Variants in RIPOR3 observed in about 807,000 individuals in gnomAD.
RIPOR3 encodes RIPOR family member 3.
A neutral mutation model predicts 114.3 loss-of-function variants in RIPOR3; 95 were observed. The ratio of observed to expected loss-of-function variants is 0.83; its 90% CI spans 0.70 to 0.99. RIPOR3 has a LOEUF of 0.99. Among genes scored for constraint, RIPOR3 ranks in the 50% least tolerant of loss-of-function variants. The pLI is 0.00. For missense variants in RIPOR3, 1,252 were observed against 1,266.9 expected, an observed-to-expected ratio of 0.99 and a Z score of 0.18; for synonymous variants, 575 against 543.8, an observed-to-expected ratio of 1.06 and a Z score of -0.80.
At chr20:50,672,012 G>A (rs200122078) in intron 1 of RIPOR3, among the ~76,000 whole-genome samples, 1 of 72,466 alleles carries the variant, frequency 1.4e-5, no homozygotes, top group African/African-American at 4.1e-5. Context: ...ATGGATGGAT[G>A]GATGGATGGG....
At chr20:50,649,768 G>A (rs1373102204) in intron 1 of RIPOR3, among the ~76,000 whole-genome samples, 2 of 152,232 alleles carry the variant, frequency 1.3e-5, no homozygotes, top group African/African-American at 4.8e-5. Context: ...GCTCCCTGAG[G>A]GCTAGGCTGG....
At chr20:50,600,502 T>C (rs576005626) in intron 13 of RIPOR3, among the ~76,000 whole-genome samples, 1 of 152,340 alleles carries the variant, frequency 6.6e-6, no homozygotes, top group South Asian at 2.1e-4. Flanking sequence ...CTCACGCCTG[T>C]AATCCCAACG....
chr20:50,615,265 T>C (rs970554830), intron 4 of RIPOR3, among the ~76,000 whole-genome samples: 3 of 151,858 alleles, frequency 2.0e-5, no homozygotes, highest in African/African-American at 7.3e-5. Flanking sequence ...GCCTCACACC[T>C]GTAATCCCAG....
intron 1 of RIPOR3, among the ~76,000 whole-genome samples, chr20:50,677,955 C>T (rs557825065): frequency 6.6e-6 from 1 of 152,254 alleles, no homozygotes; most frequent in African/African-American, 2.4e-5. Context: ...TAGGCATGAG[C>T]CACCGCGCCT....
intron 1 of RIPOR3, among the ~76,000 whole-genome samples, chr20:50,646,312 A>G (rs1480297320): frequency 6.6e-6 from 1 of 152,070 alleles, no homozygotes; most frequent in Non-Finnish European, 1.5e-5. Flanking sequence ...ATCTTTGGTT[A>G]GAGAAAGGGT....
intron 1 of RIPOR3, among the ~76,000 whole-genome samples, chr20:50,641,972 T>C (rs1366413518): frequency 6.6e-6 from 1 of 152,146 alleles, no homozygotes; most frequent in Non-Finnish European, 1.5e-5. Context: ...GCAGAGCCCT[T>C]GGATGTGTGT....
In RIPOR3 at chr20:50,609,677, C is replaced by T. The variant is rs1482076067; in HGVS notation, c.472G>A (p.Asp158Asn). 7 of 1,391,924 alleles carry T rather than the reference C, an allele frequency of 5.0e-6. No homozygotes were observed. The highest frequency in any genetic ancestry group is 3.0e-5 in the African/African-American group (2 of 65,588). The allele number at this position is 1,391,924 out of a possible 1,614,324, so 86.2% of individuals were successfully genotyped here. A position where few individuals can be genotyped will look rare whatever the true frequency, so the allele number is the denominator to read the frequency against. The change falls in exon 7 of 22, where the codon GAC becomes AAC. Residue 158 changes from aspartate (D) to asparagine (N), a missense_variant. By Grantham distance (23) the Asp-to-Asn change is conservative. Transcript: ENST00000327979. ...GCCCGCTGCATGCTGGAGGCGCCGT[C>T]GCGCAGGCGGCACTGGATGCAGTAG... Reference protein sequence around the residue: ...EDYCIQCRLRDGASSMQRAFA... With the variant: ...EDYCIQCRLRNGASSMQRAFA...
intron 1 of RIPOR3, among the ~76,000 whole-genome samples, chr20:50,650,324 T>C (rs563072327): frequency 8.5e-5 from 13 of 152,162 alleles, no homozygotes; most frequent in East Asian, 7.7e-4. Context: ...TTTTTTGAGA[T>C]GGCATCTCAC....
intron 1 of RIPOR3, among the ~76,000 whole-genome samples, chr20:50,651,060 C>A (rs2085585666): frequency 6.6e-6 from 1 of 152,074 alleles, no homozygotes; most frequent in Non-Finnish European, 1.5e-5. Context: ...CAACCTCTGC[C>A]TCCCGGGTTC....
chr20:50,684,271 G>T (rs2086946205), intron 1 of RIPOR3, among the ~76,000 whole-genome samples: 1 of 152,168 alleles, frequency 6.6e-6, no homozygotes, highest in Non-Finnish European at 1.5e-5. Flanking sequence ...GGATGGCCTC[G>T]CTGCAAAGGT....
At chr20:50,664,823 T>C (rs1179943901) in intron 1 of RIPOR3, among the ~76,000 whole-genome samples, 1 of 151,990 alleles carries the variant, frequency 6.6e-6, no homozygotes, top group African/African-American at 2.4e-5. Flanking sequence ...GAAACCCGGC[T>C]GGGCACGGTG....
At chr20:50,617,028 G>A (rs1473759001) in intron 3 of RIPOR3, among the ~76,000 whole-genome samples, 1 of 152,186 alleles carries the variant, frequency 6.6e-6, no homozygotes, top group African/African-American at 2.4e-5. Context: ...TGTAGTCCCA[G>A]CTACTCGGGA....
At chr20:50,685,222 A>ATT (rs35813074) in intron 1 of RIPOR3, among the ~76,000 whole-genome samples, 17,421 of 127,946 alleles carry the variant, frequency 0.14, 1,491 homozygotes, top group East Asian at 0.22. Flanking sequence ...ATGGGATAGA[A>ATT]TTTTTTTTTT....
chr20:50,612,656 A>C (rs796143491), intron 4 of RIPOR3, among the ~76,000 whole-genome samples: 4 of 152,370 alleles, frequency 2.6e-5, no homozygotes, highest in African/African-American at 9.6e-5. Context: ...GATCAATAAA[A>C]GATTGTTCTC....
At chr20:50,667,784 C>T (rs1032124584) in intron 1 of RIPOR3, among the ~76,000 whole-genome samples, 6 of 152,162 alleles carry the variant, frequency 3.9e-5, no homozygotes, top group African/African-American at 9.7e-5. Context: ...ACACAGCAGC[C>T]GTGGGAGTCA....
At chr20:50,663,223 G>A (rs1280171237) in intron 1 of RIPOR3, among the ~76,000 whole-genome samples, 1 of 151,928 alleles carries the variant, frequency 6.6e-6, no homozygotes, top group Non-Finnish European at 1.5e-5. Flanking sequence ...ATTTTCTCCA[G>A]TGCACCTCTG....
chr20:50,650,431 T>C (rs1435133251), intron 1 of RIPOR3, among the ~76,000 whole-genome samples: 1 of 151,878 alleles, frequency 6.6e-6, no homozygotes, highest in Non-Finnish European at 1.5e-5. Context: ...GCCTCCTGAG[T>C]AGCTGGGACC....
At chr20:50,674,601 G>A (rs1275713161) in intron 1 of RIPOR3, among the ~76,000 whole-genome samples, 1 of 147,272 alleles carries the variant, frequency 6.8e-6, no homozygotes, top group Non-Finnish European at 1.5e-5. Flanking sequence ...GTTAAGATGA[G>A]GTCATACTAG....
rs1600657940 is a variant in RIPOR3, at chr20:50,640,329, C to T, written c.4-9473G>A. ...CTGGATTCCTCAGACCTCTGGGGCC[C>T]GTTTGCCAGAGCAGAGCCGAGACCT... On this transcript the variant is annotated intron_variant, in intron 1 of 21. Transcript: ENST00000327979. Among the ~76,000 whole-genome samples, 4 of 151,376 alleles carry T rather than the reference C, an allele frequency of 2.6e-5. No individual in the cohort carries two copies. The South Asian group carries it at 8.4e-4, about 32-fold the overall frequency.
Sources: gnomAD v4.1 joint callset for allele counts (sites outside exome capture counted in the v4.1 genomes callset) on GRCh38, gnomAD v4.1.1 for gene constraint, MANE v1.5 for transcripts, NCBI Gene and HGNC (gene_info 2026-07-23, HGNC 2026-07-21) for gene names.